The following TXN variants were observed in gnomAD, a reference collection of about 807,000 sequenced individuals.
TXN encodes the protein thioredoxin, also known as ADF.
Under a neutral mutation model 16.5 loss-of-function variants are expected in TXN, and 10 were observed. That is an observed-to-expected ratio of 0.61 (90% confidence interval 0.37 to 1.03). The LOEUF (loss-of-function observed/expected upper bound fraction) is 1.03, where lower values mean the gene tolerates loss of function less well. Ranked by LOEUF, TXN falls within the 50% of genes least tolerant of loss-of-function variation. The pLI, the probability that TXN is intolerant of heterozygous loss-of-function variation, is 0.01. For synonymous variants in TXN, 35 were observed against 39.4 expected, an observed-to-expected ratio of 0.89 and a Z score of 0.42; for missense variants, 71 against 122.5, an observed-to-expected ratio of 0.58 and a Z score of 1.98.
At position 110,256,341 on chromosome 9, in the gene TXN, C is replaced by T. The variant is rs1837809714; in HGVS notation, c.24+71G>A. ...TCCCGCCACCGCCTTCCCCACCTCC[C>T]GCCACCGCCTTCCCCAGTTACAGAG... On this transcript the variant is annotated intron_variant, in intron 1 of 4. Coordinates refer to ENST00000374517, the MANE Select transcript of TXN (RefSeq NM_003329.4). This position sits in a 1 kb window ranked among gnomAD's most constrained non-coding sequence, Gnocchi z 4.2. 6.5e-6 allele frequency: 10 copies of T among 1,530,430 alleles called. No homozygotes were observed. Among genetic ancestry groups the T allele is most frequent in the Admixed American group, 1.9e-5 (1 of 53,070 alleles). The allele number at this position is 1,530,430 out of a possible 1,614,324, so 94.8% of individuals were successfully genotyped here. A position where few individuals can be genotyped will look rare whatever the true frequency, so the allele number is the denominator to read the frequency against.
intron 3 of TXN, 44 bp from the exon 4 acceptor site, chr9:110,244,887 G>T (rs911281290): frequency 6.6e-7 from 1 of 1,519,294 alleles, no homozygotes; most frequent in South Asian, 1.1e-5. Flanking sequence ...ATACAAGACT[G>T]CGAGTACTGA....
At chr9:110,245,963 G>A (rs896860338) in intron 3 of TXN, among the ~76,000 whole-genome samples, 17 of 152,030 alleles carry the variant, frequency 1.1e-4, no homozygotes, top group Non-Finnish European at 1.6e-4. Flanking sequence ...TACTCAGGAG[G>A]TTGAGACAGG....
chr9:110,243,851 C>T lies in TXN; in HGVS notation c.*306G>A, dbSNP rs897687566. ...ACTACTTTATTACCTGCATTGCCCC[C>T]AACAAGAGATTTTTGTAGCAATACA... On this transcript the variant is annotated 3_prime_UTR_variant, in exon 5 of 5. Coordinates refer to ENST00000374517, the MANE Select transcript of TXN (RefSeq NM_003329.4). The T allele has an allele frequency of 1.8e-5, 3 of 167,790 alleles. No homozygotes were observed. Among genetic ancestry groups the T allele is most frequent in the African/African-American group, 7.2e-5 (3 of 41,928 alleles). 10.4% of individuals were successfully genotyped at this position (167,790 alleles called of 1,614,324 possible). A position where few individuals can be genotyped will look rare whatever the true frequency, so the allele number is the denominator to read the frequency against.
At chr9:110,245,255 C>G (rs1837631389) in intron 3 of TXN, 1 of 154,734 alleles carries the variant, frequency 6.5e-6, no homozygotes, top group African/African-American at 2.4e-5. Context: ...ACTAGTACCT[C>G]TTATTTCTTG....
rs551432217 is a variant in TXN, at chr9:110,250,273, C to G, written c.189+547G>C. Among the ~76,000 whole-genome samples, 33 of 152,256 alleles carry G rather than the reference C, an allele frequency of 2.2e-4. No individual in the cohort carries two copies. The South Asian group carries it at 6.5e-3, about 30-fold the overall frequency. On this transcript the variant is annotated intron_variant, in intron 3 of 4. Coordinates refer to ENST00000374517, the MANE Select transcript of TXN (RefSeq NM_003329.4). ...ACCCAGAACAGTGCCTGGTATATACCTAGTGCAAAACAAGTATTTGTTAAA... is the reference window on the plus strand; with the variant it reads ...ACCCAGAACAGTGCCTGGTATATACGTAGTGCAAAACAAGTATTTGTTAAA...
chr9:110,249,578 A>C (rs1404049923), intron 3 of TXN, among the ~76,000 whole-genome samples: 2 of 152,178 alleles, frequency 1.3e-5, no homozygotes, highest in African/African-American at 4.8e-5. Flanking sequence ...GGTGAAGCTC[A>C]TGACAAGGAG....
chr9:110,251,910 T>C (rs1044591759), intron 1 of TXN, among the ~76,000 whole-genome samples: 8 of 152,158 alleles, frequency 5.3e-5, no homozygotes, highest in South Asian at 2.1e-4. Flanking sequence ...GATTTTGCAA[T>C]TGAAACATCA....
rs563724203 is a variant in TXN at position 110,253,145 on chromosome 9, C to A, written c.25-1683G>T. Among the ~76,000 whole-genome samples, 9 of 132,100 alleles carry A rather than the reference C, an allele frequency of 6.8e-5. No individual in the cohort carries two copies. In the South Asian group the frequency reaches 7.6e-4, roughly 11 times the overall value. The allele number at this position is 132,100 out of a possible 152,430, so 86.7% of individuals were successfully genotyped here. A position where few individuals can be genotyped will look rare whatever the true frequency, so the allele number is the denominator to read the frequency against. On this transcript the variant is annotated intron_variant, in intron 1 of 4. Transcript: ENST00000374517. ...AAATAAAAAACCATAAGATAAAAAA[C>A]CAAATAAACAAAAAAAAACCCAACA...
intron 3 of TXN, among the ~76,000 whole-genome samples, chr9:110,249,781 G>T (rs907523922): frequency 5.3e-5 from 8 of 152,266 alleles, no homozygotes; most frequent in African/African-American, 1.9e-4. Context: ...GATATTCCAT[G>T]TTTGCTCAAT....
intron 4 of TXN, among the ~76,000 whole-genome samples, chr9:110,244,531 C>G (rs888975832): frequency 6.6e-6 from 1 of 152,012 alleles, no homozygotes; most frequent in African/African-American, 2.4e-5. Context: ...AACAAATGAA[C>G]TGCCCAAGTC....
At chr9:110,247,480 G>A (rs1157178544) in intron 3 of TXN, among the ~76,000 whole-genome samples, 2 of 152,118 alleles carry the variant, frequency 1.3e-5, no homozygotes, top group Non-Finnish European at 2.9e-5. Context: ...TATATGTGGT[G>A]GTCCCATAAG....
Position 110,244,229 on chromosome 9 carries a change from G to C in TXN, c.256-10C>G, listed in dbSNP as rs768078386. 6.5e-7 allele frequency: 1 copy of C among 1,539,742 alleles called. No individual in the cohort carries two copies. Among genetic ancestry groups the C allele is most frequent in the Non-Finnish European group, 8.8e-7 (1 of 1,140,684 alleles). ...CAGAAAATTCACCCACCTGTTAAGA[G>C]AATATTGAATTGACATTAGACGTAG... On this transcript the variant is annotated splice_polypyrimidine_tract_variant and intron_variant, in intron 4 of 4. Coordinates refer to ENST00000374517, the MANE Select transcript of TXN (RefSeq NM_003329.4).
intron 1 of TXN, among the ~76,000 whole-genome samples, chr9:110,254,214 A>G (rs557426037): frequency 6.6e-6 from 1 of 152,360 alleles, no homozygotes; most frequent in African/African-American, 2.4e-5. Flanking sequence ...AAAATGTAAC[A>G]TGTATTCAAC....
At position 110,244,009 on chromosome 9, in the gene TXN, G is replaced by C; in HGVS notation, c.*148C>G. ...TTTATTTTGAAAGCTATTCAGACAT[G>C]AGACGGTTTTAAAAAGTGTTAGCAT... is the stretch of plus-strand genomic sequence containing the variant. On this transcript the variant is annotated 3_prime_UTR_variant, in exon 5 of 5. Transcript: ENST00000374517. The C allele has an allele frequency of 2.8e-6, 1 of 360,764 alleles. No individual in the cohort carries two copies. 22.3% of individuals were successfully genotyped at this position (360,764 alleles called of 1,614,324 possible).
intron 2 of TXN, among the ~76,000 whole-genome samples, 155 bp from the exon 3 acceptor site, chr9:110,251,034 A>G (rs114115373): frequency 1.3e-3 from 202 of 152,236 alleles, no homozygotes; most frequent in African/African-American, 4.6e-3. Context: ...AGAGACATAA[A>G]TTTTCTCTAA....
At position 110,243,922 on chromosome 9, in the gene TXN, C is replaced by G. The variant is rs1427890831; in HGVS notation, c.*235G>C. 8.0e-6 allele frequency: 2 copies of G among 250,346 alleles called. No individual in the cohort carries two copies. The highest frequency in any genetic ancestry group is 4.5e-5 in the African/African-American group (2 of 44,476). The allele number at this position is 250,346 out of a possible 1,614,324, so 15.5% of individuals were successfully genotyped here. On this transcript the variant is annotated 3_prime_UTR_variant, in exon 5 of 5. Coordinates refer to ENST00000374517, the MANE Select transcript of TXN (RefSeq NM_003329.4). Reference sequence around the variant, plus strand: ...TTTAAAATCTTAAAATAATCAGTGGCCTACAAGGTTACTAAAAAGTGATTG... The same window carrying G: ...TTTAAAATCTTAAAATAATCAGTGGGCTACAAGGTTACTAAAAAGTGATTG...
At chr9:110,250,324 A>G (rs1183114269) in intron 3 of TXN, among the ~76,000 whole-genome samples, 1 of 152,252 alleles carries the variant, frequency 6.6e-6, no homozygotes, top group African/African-American at 2.4e-5. Flanking sequence ...AATTTCTTCC[A>G]AATTATTCTC....
At position 110,256,351 on chromosome 9, in the gene TXN, T is replaced by G; in HGVS notation, c.24+61A>C. On this transcript the variant is annotated intron_variant, in intron 1 of 4. Coordinates refer to ENST00000374517, the MANE Select transcript of TXN (RefSeq NM_003329.4). This position sits in a 1 kb window ranked among gnomAD's most constrained non-coding sequence, Gnocchi z 4.2. ...GCCTTCCCCACCTCCCGCCACCGCC[T>G]TCCCCAGTTACAGAGGCCGCGCGCG... 5 of 1,449,644 alleles carry G rather than the reference T, an allele frequency of 3.4e-6. No individual in the cohort carries two copies. The highest frequency in any genetic ancestry group is 1.4e-5 in the African/African-American group (1 of 69,944). 89.8% of individuals were successfully genotyped at this position (1,449,644 alleles called of 1,614,324 possible). A position where few individuals can be genotyped will look rare whatever the true frequency, so the allele number is the denominator to read the frequency against.
chr9:110,248,873 G>A (rs1236651573), intron 3 of TXN, among the ~76,000 whole-genome samples: 1 of 152,038 alleles, frequency 6.6e-6, no homozygotes, highest in Non-Finnish European at 1.5e-5. Flanking sequence ...AGCACTTTGG[G>A]AGGCCGAGGT....
Sources: gnomAD v4.1 joint callset for allele counts (sites outside exome capture counted in the v4.1 genomes callset) on GRCh38, gnomAD v4.1.1 for gene constraint, Gnocchi (gnomAD v3.1) non-coding constraint, MANE v1.5 for transcripts, NCBI Gene and HGNC (gene_info 2026-07-23, HGNC 2026-07-21) for gene names.